The following GRID2 variants were observed in gnomAD, a reference collection of about 807,000 sequenced individuals.
GRID2 encodes glutamate receptor ionotropic, delta-2.
GRID2 carries 33 observed loss-of-function variants against 114.8 expected under a neutral mutation model. The ratio of observed to expected loss-of-function variants is 0.29; its 90% CI spans 0.22 to 0.38. The LOEUF (loss-of-function observed/expected upper bound fraction) is 0.38, where lower values mean the gene tolerates loss of function less well. Ranked by LOEUF, GRID2 falls within the 10% of genes least tolerant of loss-of-function variation. The probability of loss-of-function intolerance (pLI) is 1.00; values close to 1 mark genes in which losing one functional copy is unlikely to be tolerated. For missense variants in GRID2, 1,184 were observed against 1,257.7 expected (o/e 0.94, Z 0.89); for synonymous variants, 505 against 449.9 (o/e 1.12, Z -1.55).
intron 12 of GRID2, among the ~76,000 whole-genome samples, chr4:93,495,074 T>C (rs1727395708): frequency 1.3e-5 from 2 of 151,780 alleles, no homozygotes; most frequent in Non-Finnish European, 2.9e-5. Flanking sequence ...AGTTTTTTCA[T>C]TCCCAGGAGC....
chr4:93,076,033 A>G (rs1038486449), intron 2 of GRID2, among the ~76,000 whole-genome samples: 10 of 151,300 alleles, frequency 6.6e-5, no homozygotes, highest in African/African-American at 2.4e-4. Flanking sequence ...CCTCCCAAGT[A>G]GCTGGGACTA....
intron 4 of GRID2, among the ~76,000 whole-genome samples, chr4:93,141,835 ATT>A (rs1338093811): frequency 3.3e-5 from 5 of 152,228 alleles, no homozygotes; most frequent in African/African-American, 1.2e-4. Context: ...TAGCATGAAT[ATT>A]GTTTGTGCTT....
intron 3 of GRID2, among the ~76,000 whole-genome samples, chr4:93,092,428 G>A (rs1730869855): frequency 6.6e-6 from 1 of 151,914 alleles, no homozygotes; most frequent in South Asian, 2.1e-4. Flanking sequence ...GCTTGCAGTG[G>A]GAGTGGACAA....
intron 5 of GRID2, among the ~76,000 whole-genome samples, chr4:93,210,352 T>C (rs1056143833): frequency 6.6e-6 from 1 of 152,098 alleles, no homozygotes; most frequent in Non-Finnish European, 1.5e-5. Context: ...AAGCGTCCTT[T>C]CCCCATTGCT....
At chr4:93,581,915 A>T (rs1452783429) in intron 13 of GRID2, among the ~76,000 whole-genome samples, 1 of 152,210 alleles carries the variant, frequency 6.6e-6, no homozygotes, top group Non-Finnish European at 1.5e-5. Context: ...ATCATTGAAG[A>T]TAGAAATGTC....
chr4:93,676,798 G>A (rs573645439), intron 14 of GRID2, among the ~76,000 whole-genome samples: 22 of 149,700 alleles, frequency 1.5e-4, no homozygotes, highest in Non-Finnish European at 2.5e-4. Flanking sequence ...GAGAGTTTCC[G>A]CAAGATGGCT....
At chr4:92,451,829 C>G (rs1049014090) in intron 1 of GRID2, among the ~76,000 whole-genome samples, 6 of 152,100 alleles carry the variant, frequency 3.9e-5, no homozygotes, top group African/African-American at 1.4e-4. Context: ...TCAAAAGAGC[C>G]TAAGTATTCA....
chr4:92,547,282 T>G (rs17019545), intron 1 of GRID2, among the ~76,000 whole-genome samples: 13,097 of 152,224 alleles, frequency 0.086, 660 homozygotes, highest in African/African-American at 0.13. Context: ...TAGAATTAGC[T>G]TACCTTACTG....
At chr4:92,371,541 T>C (rs1729116945) in intron 1 of GRID2, among the ~76,000 whole-genome samples, 1 of 152,130 alleles carries the variant, frequency 6.6e-6, no homozygotes, top group African/African-American at 2.4e-5. Flanking sequence ...AGACAATGTA[T>C]GTGTTTCTAG....
chr4:93,235,573 GT>G (rs1746683595), intron 7 of GRID2, among the ~76,000 whole-genome samples: 1 of 152,070 alleles, frequency 6.6e-6, no homozygotes, highest in African/African-American at 2.4e-5. Context: ...ATAACAATAG[GT>G]TTTAGTTAAA....
intron 10 of GRID2, among the ~76,000 whole-genome samples, chr4:93,424,912 A>G (rs1276485662): frequency 6.6e-6 from 1 of 152,078 alleles, no homozygotes; most frequent in Non-Finnish European, 1.5e-5. Flanking sequence ...TCTGCCTTCA[A>G]GTTTACTGAT....
chr4:92,990,702 G>A (rs1332035949), intron 2 of GRID2, among the ~76,000 whole-genome samples: 1 of 151,634 alleles, frequency 6.6e-6, no homozygotes, highest in Non-Finnish European at 1.5e-5. Flanking sequence ...AATTTGAAAT[G>A]ACTGAAGAAA....
chr4:93,436,985 G>T (rs570785316), intron 10 of GRID2, among the ~76,000 whole-genome samples: 1 of 152,126 alleles, frequency 6.6e-6, no homozygotes, highest in Non-Finnish European at 1.5e-5. Flanking sequence ...TGTTATATAT[G>T]CTTGGAATTA....
chr4:93,309,125 C>T (rs1198708942), intron 8 of GRID2, among the ~76,000 whole-genome samples: 1 of 152,156 alleles, frequency 6.6e-6, no homozygotes, highest in African/African-American at 2.4e-5. Flanking sequence ...TCCTGAATCT[C>T]ACATCAGACT....
chr4:93,249,739 G>GA (rs1342926127), intron 8 of GRID2, among the ~76,000 whole-genome samples: 2 of 151,834 alleles, frequency 1.3e-5, no homozygotes, highest in African/African-American at 4.8e-5. Context: ...ACAAACATAT[G>GA]AAAAAAAGCT....
intron 2 of GRID2, among the ~76,000 whole-genome samples, chr4:92,627,133 TAGA>T (rs1730560531): frequency 6.6e-6 from 1 of 151,998 alleles, no homozygotes; most frequent in South Asian, 2.1e-4. Flanking sequence ...CTTTAAAAAT[TAGA>T]TACAGGTTAT....
intron 1 of GRID2, among the ~76,000 whole-genome samples, chr4:92,412,587 G>T (rs1184630341): frequency 6.6e-6 from 1 of 151,888 alleles, no homozygotes. Flanking sequence ...CATTTTATAT[G>T]AGTTTAGCAC....
intron 13 of GRID2, among the ~76,000 whole-genome samples, chr4:93,608,418 G>C (rs1291260074): frequency 7.0e-6 from 1 of 142,198 alleles, no homozygotes; most frequent in Non-Finnish European, 1.5e-5. Flanking sequence ...CCACTAACGT[G>C]TCATCTAGCA....
intron 14 of GRID2, among the ~76,000 whole-genome samples, chr4:93,640,360 G>A (rs200021745): frequency 0.063 from 123 of 1,948 alleles, 8 homozygotes; most frequent in East Asian, 0.21. Context: ...GAATAGGAGC[G>A]GTGAGAGAGG....
Sources: gnomAD v4.1 joint callset for allele counts (sites outside exome capture counted in the v4.1 genomes callset) on GRCh38, gnomAD v4.1.1 for gene constraint, MANE v1.5 for transcripts, NCBI Gene and HGNC (gene_info 2026-07-23, HGNC 2026-07-21) for gene names.